CLEC2L: variants seen among roughly 807,000 people sequenced by gnomAD.
The protein encoded by CLEC2L is C-type lectin domain family 2, member L.
A neutral mutation model predicts 23.6 loss-of-function variants in CLEC2L; 14 were observed. The observed-to-expected ratio is 0.59, with a 90% confidence interval of 0.39 to 0.93. The LOEUF is 0.93. CLEC2L is among the 40% of genes least tolerant of loss of function. The probability of loss-of-function intolerance (pLI) is 0.00; values close to 1 mark genes in which losing one functional copy is unlikely to be tolerated. For synonymous variants in CLEC2L, 114 were observed against 121.3 expected, an observed-to-expected ratio of 0.94 and a Z score of 0.40; for missense variants, 264 against 282.4, an observed-to-expected ratio of 0.93 and a Z score of 0.47.
chr7:139,534,353 A>T, intron 1 of CLEC2L: 2 of 1,062,768 alleles, frequency 1.9e-6, no homozygotes, highest in Non-Finnish European at 3.0e-6. Flanking sequence ...ATGTATGAAG[A>T]CATGTGAAAA....
intron 3 of CLEC2L, 81 bp from the exon 4 acceptor site, chr7:139,541,940 C>A: frequency 2.2e-6 from 2 of 927,326 alleles, no homozygotes; most frequent in Non-Finnish European, 1.7e-6. Flanking sequence ...CAGTATCTTC[C>A]AAGCTGAGGT....
At position 139,540,200 on chromosome 7, in the gene CLEC2L, C is replaced by A; in HGVS notation, c.266-121C>A. 1.1e-6 allele frequency: 1 copy of A among 948,690 alleles called. No homozygotes were observed. Among genetic ancestry groups the A allele is most frequent in the Non-Finnish European group, 1.6e-6 (1 of 639,260 alleles). The allele number at this position is 948,690 out of a possible 1,614,324, so 58.8% of individuals were successfully genotyped here. A position where few individuals can be genotyped will look rare whatever the true frequency, so the allele number is the denominator to read the frequency against. ...TTTACCTCCAGGCACCAGGAGAGGACAGCCACATCTGCAGTGTCCCTGCAG... is the reference window on the plus strand; with the variant it reads ...TTTACCTCCAGGCACCAGGAGAGGAAAGCCACATCTGCAGTGTCCCTGCAG... On this transcript the variant is annotated intron_variant, in intron 2 of 4. Transcript: ENST00000422142. This position sits in a 1 kb window ranked among gnomAD's most constrained non-coding sequence, Gnocchi z 5.8.
At chr7:139,525,471 C>A (rs142099044) in intron 1 of CLEC2L, among the ~76,000 whole-genome samples, 1 of 151,914 alleles carries the variant, frequency 6.6e-6, no homozygotes, top group Non-Finnish European at 1.5e-5. Context: ...GAAGATGTTG[C>A]GTCACCAAGG....
In CLEC2L at chr7:139,528,781, C is replaced by T. The variant is rs1330954243; in HGVS notation, c.190+4664C>T. On this transcript the variant is annotated intron_variant, in intron 1 of 4. Coordinates refer to ENST00000422142, the MANE Select transcript of CLEC2L (RefSeq NM_001080511.4). ...TTGCAAGCCAAGGAGTGCCAAAGTC[C>T]GTCAGCAACCACTGGACACTAGGAA... Among the ~76,000 whole-genome samples the T allele has an allele frequency of 7.2e-5, 11 of 152,230 alleles. No individual in the cohort carries two copies. The East Asian group carries it at 1.9e-3, about 27-fold the overall frequency.
In CLEC2L at chr7:139,542,102, G is replaced by A. The variant is rs1202676341; in HGVS notation, c.514G>A (p.Asp172Asn). 1 of 1,611,550 alleles carries A rather than the reference G, an allele frequency of 6.2e-7. No homozygotes were observed. Among genetic ancestry groups the A allele is most frequent in the South Asian group, 1.1e-5 (1 of 90,352 alleles). The change falls in exon 4 of 5, where the codon GAC (aspartate) becomes AAC (asparagine). Residue 172 changes from aspartate (D) to asparagine (N), a missense_variant. By Grantham distance (23) the Asp-to-Asn change is conservative. Transcript: ENST00000422142. ...VGDEFHWVNG[D>N]PFDPDTFTIA... ...GGACGAATTCCACTGGGTCAACGGG[G>A]ACCCGTTTGATCCGGACACGTGAGC...
chr7:139,525,940 C>G (rs1159401169), intron 1 of CLEC2L, among the ~76,000 whole-genome samples: 3 of 152,204 alleles, frequency 2.0e-5, no homozygotes, highest in African/African-American at 7.2e-5. Flanking sequence ...TGCTTAGCAT[C>G]TTCCTGTGGT....
rs1797699544 is a variant in CLEC2L, at chr7:139,539,035, G to C, written c.266-1286G>C. On this transcript the variant is annotated intron_variant, in intron 2 of 4. Coordinates refer to ENST00000422142, the MANE Select transcript of CLEC2L (RefSeq NM_001080511.4). This position sits in a 1 kb window ranked among gnomAD's most constrained non-coding sequence, Gnocchi z 4.1. ...ATTGAACAGATATATATGCCAGGGGGTGTCGATGAATGAATTGGTGTCTGT... is the reference window on the plus strand; with the variant it reads ...ATTGAACAGATATATATGCCAGGGGCTGTCGATGAATGAATTGGTGTCTGT... 1 of 152,244 alleles carries C rather than the reference G, an allele frequency of 6.6e-6. No homozygotes were observed. The highest frequency in any genetic ancestry group is 2.4e-5 in the African/African-American group (1 of 41,448). The allele number at this position is 152,244 out of a possible 1,614,324, so 9.4% of individuals were successfully genotyped here. A position where few individuals can be genotyped will look rare whatever the true frequency, so the allele number is the denominator to read the frequency against.
chr7:139,524,054 G>T lies in CLEC2L; in HGVS notation c.127G>T (p.Gly43Trp). The T allele has an allele frequency of 8.2e-7, 1 of 1,219,062 alleles. No homozygotes were observed. Among genetic ancestry groups the T allele is most frequent in the Non-Finnish European group, 1.0e-6 (1 of 978,158 alleles). 75.5% of individuals were successfully genotyped at this position (1,219,062 alleles called of 1,614,324 possible). A position where few individuals can be genotyped will look rare whatever the true frequency, so the allele number is the denominator to read the frequency against. The change falls in exon 1 of 5, where the codon GGG becomes TGG. Residue 43 changes from glycine (G) to tryptophan (W), a missense_variant. Gly to Trp is a radical substitution (Grantham distance 184, BLOSUM62 -2). Transcript: ENST00000422142. ...AGAGGCTGAGGCCCGCGGCCCCGAGGGGCTGCTGCGGCGATCCGGGTCGGG... is the reference window on the plus strand; with the variant it reads ...AGAGGCTGAGGCCCGCGGCCCCGAGTGGCTGCTGCGGCGATCCGGGTCGGG... ...PAEAEARGPE[G>W]LLRRSGSGYE...
chr7:139,537,273 G>A (rs1180000249), intron 2 of CLEC2L, among the ~76,000 whole-genome samples: 3 of 152,104 alleles, frequency 2.0e-5, no homozygotes, highest in Non-Finnish European at 4.4e-5. Flanking sequence ...GTGTCTGGGG[G>A]CCTGTAAATT....
At chr7:139,524,155 C>A in intron 1 of CLEC2L, 38 bp downstream of exon 1, 1 of 1,196,688 alleles carries the variant, frequency 8.4e-7, no homozygotes, top group Non-Finnish European at 1.0e-6. Context: ...GGCCCAGGGA[C>A]CCCTGCCCAG....
intron 1 of CLEC2L, among the ~76,000 whole-genome samples, chr7:139,530,864 G>A (rs1438197297): frequency 6.7e-6 from 1 of 149,134 alleles, no homozygotes; most frequent in Non-Finnish European, 1.5e-5. Context: ...ACCACACTGA[G>A]AGCAAGCAAC....
At position 139,530,813 on chromosome 7, in the gene CLEC2L, C is replaced by CAAA. The variant is rs34317849; in HGVS notation, c.191-5440_191-5438dup. On this transcript the variant is annotated intron_variant, in intron 1 of 4. Transcript: ENST00000422142. ...GGGTGACAGAGTGAGACTCTTGTCT[C>CAAA]AAAAAAAAAAAAAAAAAAAAAAATA... 9.8e-4 allele frequency among the ~76,000 whole-genome samples: 79 copies of CAAA among 80,650 alleles called. 1 individual carries two copies. Among genetic ancestry groups the CAAA allele is most frequent in the African/African-American group, 3.3e-3 (68 of 20,672 alleles). 52.9% of individuals were successfully genotyped at this position (80,650 alleles called of 152,430 possible).
chr7:139,532,349 T>C (rs777565761), intron 1 of CLEC2L, among the ~76,000 whole-genome samples: 1 of 152,104 alleles, frequency 6.6e-6, no homozygotes, highest in Non-Finnish European at 1.5e-5. Context: ...TTGGATGATG[T>C]GCTTCACCAA....
At chr7:139,533,219 A>G (rs1797604215) in intron 1 of CLEC2L, among the ~76,000 whole-genome samples, 1 of 152,236 alleles carries the variant, frequency 6.6e-6, no homozygotes, top group South Asian at 2.1e-4. Context: ...TGGAAAATGA[A>G]TAAATTATAT....
At chr7:139,537,005 A>C in intron 2 of CLEC2L, among the ~76,000 whole-genome samples, 1 of 148,006 alleles carries the variant, frequency 6.8e-6, no homozygotes, top group Non-Finnish European at 1.5e-5. Flanking sequence ...AAAAAAGATC[A>C]CATTCAGTCA....
chr7:139,534,632 G>C (rs929024811), intron 1 of CLEC2L: 2 of 645,056 alleles, frequency 3.1e-6, no homozygotes, highest in African/African-American at 3.6e-5. Flanking sequence ...CGGAAGTTTT[G>C]TATCATAGTA....
In CLEC2L at chr7:139,541,077, C is replaced by T. The variant is rs573982239; in HGVS notation, c.432+590C>T. Among the ~76,000 whole-genome samples the T allele has an allele frequency of 5.9e-5, 9 of 152,198 alleles. No individual in the cohort carries two copies. In the East Asian group the frequency reaches 7.7e-4, roughly 13 times the overall value. On this transcript the variant is annotated intron_variant, in intron 3 of 4. Transcript: ENST00000422142. ...TGGCTGGAGTACAATGGTGCAATCT[C>T]GGCTCACTGCAGCCTCTGCCTCCTG... is the stretch of plus-strand genomic sequence containing the variant.
chr7:139,536,211 G>A (rs543730280), intron 1 of CLEC2L, 63 bp from the exon 2 acceptor site: 2 of 1,285,710 alleles, frequency 1.6e-6, no homozygotes, highest in Non-Finnish European at 2.2e-6. Flanking sequence ...AGGGTATGGG[G>A]CTGGCAGTGG....
intron 2 of CLEC2L, 105 bp downstream of exon 2, chr7:139,536,453 G>A (rs1797658650): frequency 2.0e-6 from 2 of 976,644 alleles, no homozygotes. Flanking sequence ...AGAATCCTGT[G>A]GGGGACTAAA....
Sources: gnomAD v4.1 joint callset for allele counts (sites outside exome capture counted in the v4.1 genomes callset) on GRCh38, gnomAD v4.1.1 for gene constraint, Gnocchi (gnomAD v3.1) non-coding constraint, MANE v1.5 for transcripts, NCBI Gene and HGNC (gene_info 2026-07-23, HGNC 2026-07-21) for gene names.